SUGCT: variants seen among roughly 807,000 people sequenced by gnomAD.
SUGCT encodes succinyl-CoA:glutarate CoA-transferase.
SUGCT carries 41 observed loss-of-function variants against 55.0 expected under a neutral mutation model. The ratio of observed to expected loss-of-function variants is 0.74; its 90% CI spans 0.58 to 0.97. The LOEUF is 0.97. Among genes scored for constraint, SUGCT ranks in the 50% least tolerant of loss-of-function variants. The probability of loss-of-function intolerance (pLI) is 0.00; values close to 1 mark genes in which losing one functional copy is unlikely to be tolerated. For missense variants in SUGCT, 568 were observed against 547.8 expected (o/e 1.04, Z -0.37); for synonymous variants, 187 against 200.4 (o/e 0.93, Z 0.56).
At chr7:40,413,520 T>C (rs1485715187) in intron 9 of SUGCT, among the ~76,000 whole-genome samples, 1 of 152,174 alleles carries the variant, frequency 6.6e-6, no homozygotes, top group Non-Finnish European at 1.5e-5. Context: ...TATATACTAT[T>C]TGGGCAGGAA....
intron 6 of SUGCT, among the ~76,000 whole-genome samples, chr7:40,229,812 C>CAAAAAAAAAAAAAAAAAAAAAAAAA (rs771471649): frequency 1.6e-5 from 1 of 60,780 alleles, no homozygotes; most frequent in African/African-American, 5.3e-5. Flanking sequence ...GACTCTGTCT[C>CAAAAAAAAAAAAAAAAAAAAAAAAA]AAAAAAAAAA....
the SUGCT span, among the ~76,000 whole-genome samples, chr7:40,997,761 T>A: frequency 0.011 from 1,729 of 152,306 alleles, 30 homozygotes; most frequent in African/African-American, 0.039. Flanking sequence ...GATTGCCCCT[T>A]CCTGACCCCA....
intron 9 of SUGCT, among the ~76,000 whole-genome samples, chr7:40,360,546 G>A (rs1012982344): frequency 9.9e-5 from 15 of 152,196 alleles, no homozygotes. Flanking sequence ...GAGAGAAAGT[G>A]AAGGTGGTGA....
chr7:40,187,214 T>C (rs1282038206), intron 3 of SUGCT, among the ~76,000 whole-genome samples: 1 of 152,000 alleles, frequency 6.6e-6, no homozygotes, highest in Non-Finnish European at 1.5e-5. Flanking sequence ...ATGTTCTCAC[T>C]CATAGGTGGG....
chr7:40,455,531 G>A (rs1042933636), intron 10 of SUGCT, among the ~76,000 whole-genome samples: 4 of 152,112 alleles, frequency 2.6e-5, no homozygotes, highest in African/African-American at 9.7e-5. Context: ...AAACACTAAT[G>A]AAAAGAAAAC....
At chr7:40,898,480 C>CGGGGGGGGGGGGGGGGGGGGGGG in the SUGCT span, among the ~76,000 whole-genome samples, 2 of 5,718 alleles carry the variant, frequency 3.5e-4, 1 homozygote, top group Non-Finnish European at 8.8e-4. Flanking sequence ...TCCGGGAGGT[C>CGGGGGGGGGGGGGGGGGGGGGGG]GGGGGGGGGG....
chr7:40,435,879 A>G (rs927260117), intron 9 of SUGCT, among the ~76,000 whole-genome samples: 6 of 151,402 alleles, frequency 4.0e-5, no homozygotes, highest in African/African-American at 1.5e-4. Flanking sequence ...GACTTTTGCT[A>G]TCAAAATTTT....
intron 12 of SUGCT, among the ~76,000 whole-genome samples, chr7:40,500,487 C>T (rs1460449411): frequency 1.3e-5 from 2 of 152,184 alleles, no homozygotes; most frequent in Non-Finnish European, 2.9e-5. Context: ...ACAACCCTTT[C>T]TTAACTTTGC....
chr7:40,559,256 T>A (rs758442104), intron 12 of SUGCT, among the ~76,000 whole-genome samples: 62 of 152,246 alleles, frequency 4.1e-4, no homozygotes, highest in Non-Finnish European at 1.6e-4. Flanking sequence ...TCCACAGGGC[T>A]GAAATGTTCC....
chr7:40,246,994 G>T (rs1028717372), intron 7 of SUGCT, among the ~76,000 whole-genome samples: 2 of 152,146 alleles, frequency 1.3e-5, no homozygotes, highest in African/African-American at 4.8e-5. Flanking sequence ...ATACCACAAA[G>T]TATTCACATT....
chr7:40,605,300 T>A (rs1798468805), intron 12 of SUGCT, among the ~76,000 whole-genome samples: 1 of 152,228 alleles, frequency 6.6e-6, no homozygotes, highest in Admixed American at 6.5e-5. Flanking sequence ...GACATTCAGT[T>A]CAGTGGCACA....
the SUGCT span, among the ~76,000 whole-genome samples, chr7:40,930,610 G>A: frequency 5.0e-4 from 76 of 152,232 alleles, no homozygotes; most frequent in African/African-American, 1.7e-3. Flanking sequence ...GCAGTGGTTT[G>A]TAGTTCTCCT....
At chr7:40,571,602 T>G (rs765752382) in intron 12 of SUGCT, among the ~76,000 whole-genome samples, 1 of 152,220 alleles carries the variant, frequency 6.6e-6, no homozygotes, top group Non-Finnish European at 1.5e-5. Context: ...TTTGACATAG[T>G]ATTTTGAACA....
At chr7:41,002,467 T>G in the SUGCT span, among the ~76,000 whole-genome samples, 40 of 152,154 alleles carry the variant, frequency 2.6e-4, no homozygotes, top group Admixed American at 1.6e-3. Flanking sequence ...GGGTGAGAGT[T>G]GCAAGGATGT....
At chr7:40,838,180 T>C (rs994878337) in intron 13 of SUGCT, among the ~76,000 whole-genome samples, 1 of 152,194 alleles carries the variant, frequency 6.6e-6, no homozygotes, top group African/African-American at 2.4e-5. Context: ...TAAAATAGAA[T>C]AGAATGAATC....
chr7:40,155,237 A>T (rs1424069428), intron 1 of SUGCT, among the ~76,000 whole-genome samples: 1 of 151,708 alleles, frequency 6.6e-6, no homozygotes, highest in Non-Finnish European at 1.5e-5. Flanking sequence ...GTGAGCCAAG[A>T]TTGCGCCACT....
At chr7:40,926,532 G>T in the SUGCT span, among the ~76,000 whole-genome samples, 1 of 152,120 alleles carries the variant, frequency 6.6e-6, no homozygotes, top group Non-Finnish European at 1.5e-5. Flanking sequence ...CCAAATGTTT[G>T]TATCACCCCA....
At chr7:40,972,293 G>A in the SUGCT span, among the ~76,000 whole-genome samples, 46 of 152,058 alleles carry the variant, frequency 3.0e-4, no homozygotes, top group Non-Finnish European at 4.0e-4. Context: ...TTGTTTTTAC[G>A]AAACAATCAT....
At chr7:41,020,011 A>G in the SUGCT span, among the ~76,000 whole-genome samples, 2 of 152,046 alleles carry the variant, frequency 1.3e-5, no homozygotes, top group Admixed American at 1.3e-4. Context: ...TATTTTGCCA[A>G]CTCCCAGCAC....
Sources: gnomAD v4.1 joint callset for allele counts (sites outside exome capture counted in the v4.1 genomes callset) on GRCh38, gnomAD v4.1.1 for gene constraint, MANE v1.5 for transcripts, NCBI Gene and HGNC (gene_info 2026-07-23, HGNC 2026-07-21) for gene names.